Variants in MOV10L1 observed in about 807,000 individuals in gnomAD.
MOV10L1 encodes RNA helicase Mov10l1.
A neutral mutation model predicts 143.8 loss-of-function variants in MOV10L1; 110 were observed. The ratio of observed to expected loss-of-function variants is 0.76; its 90% CI spans 0.66 to 0.90. The LOEUF is 0.90. MOV10L1 is among the 40% of genes least tolerant of loss of function. MOV10L1 has a pLI of 0.00. For missense variants in MOV10L1, 1,406 were observed against 1,526.8 expected (o/e 0.92, Z 1.32); for synonymous variants, 593 against 581.1 (o/e 1.02, Z -0.29).
At chr22:50,107,943 C>T (rs567725425) in intron 3 of MOV10L1, among the ~76,000 whole-genome samples, 193 bp from the exon 4 acceptor site, 11 of 152,322 alleles carry the variant, frequency 7.2e-5, no homozygotes, top group Admixed American at 5.9e-4. Context: ...CAGCTCAGCT[C>T]ATTTTATTGC....
rs530566429 is a variant in MOV10L1 at position 50,106,671 on chromosome 22, G to A, written c.443-1465G>A. On this transcript the variant is annotated intron_variant, in intron 3 of 26. Coordinates refer to ENST00000262794, the MANE Select transcript of MOV10L1 (RefSeq NM_018995.3). Reference sequence around the variant, plus strand: ...TATAAATGTGTCTCCAGAGTTGCACGTATTAAATTGTGGTTTTAGGACATG... The same window carrying A: ...TATAAATGTGTCTCCAGAGTTGCACATATTAAATTGTGGTTTTAGGACATG... Among the ~76,000 whole-genome samples the A allele has an allele frequency of 5.5e-4, 82 of 149,522 alleles. 1 individual carries two copies. Among genetic ancestry groups the A allele is most frequent in the Middle Eastern group, 3.5e-3 (1 of 288 alleles).
intron 22 of MOV10L1, among the ~76,000 whole-genome samples, chr22:50,153,955 G>C (rs533265435): frequency 6.6e-6 from 1 of 152,160 alleles, no homozygotes; most frequent in African/African-American, 2.4e-5. Flanking sequence ...AGGGGTCCAG[G>C]TTACACCATT....
chr22:50,160,598 A>G (rs2063533357), intron 24 of MOV10L1, 90 bp from the exon 25 acceptor site: 1 of 1,475,360 alleles, frequency 6.8e-7, no homozygotes, highest in Non-Finnish European at 9.1e-7. Flanking sequence ...GCTATTTAAC[A>G]TTTTTAAATG....
intron 12 of MOV10L1, among the ~76,000 whole-genome samples, chr22:50,126,736 A>G (rs1165691603): frequency 1.3e-5 from 2 of 152,280 alleles, no homozygotes; most frequent in Non-Finnish European, 2.9e-5. Context: ...ACTGGGAGTG[A>G]TACTGGGATC....
intron 2 of MOV10L1, chr22:50,094,252 T>C (rs1305490248): frequency 6.6e-6 from 1 of 152,182 alleles, no homozygotes; most frequent in Non-Finnish European, 1.5e-5. Context: ...TCCTTTGTAT[T>C]CTTTTTATAG....
At chr22:50,128,273 G>T in intron 12 of MOV10L1, 143 bp from the exon 13 acceptor site, 1 of 591,122 alleles carries the variant, frequency 1.7e-6, no homozygotes, top group Non-Finnish European at 3.1e-6. Context: ...ATCGAATGGC[G>T]TAATGATTTA....
At chr22:50,150,274 C>T (rs1188235146) in intron 20 of MOV10L1, among the ~76,000 whole-genome samples, 1 of 152,128 alleles carries the variant, frequency 6.6e-6, no homozygotes, top group Non-Finnish European at 1.5e-5. Context: ...TCACCAGGCA[C>T]TGTGGGGCGG....
At chr22:50,103,131 GAC>G (rs1157297776) in intron 3 of MOV10L1, among the ~76,000 whole-genome samples, 5 of 152,188 alleles carry the variant, frequency 3.3e-5, no homozygotes, top group African/African-American at 1.2e-4. Flanking sequence ...GGTGAGGTCT[GAC>G]ACACGAGGGC....
intron 3 of MOV10L1, among the ~76,000 whole-genome samples, chr22:50,106,405 A>G (rs1411763139): frequency 7.2e-6 from 1 of 139,276 alleles, no homozygotes; most frequent in African/African-American, 2.7e-5. Flanking sequence ...GGCTCAAGTG[A>G]TCTTCCCACC....
At chr22:50,102,116 A>G (rs1329616981) in intron 3 of MOV10L1, among the ~76,000 whole-genome samples, 1 of 152,204 alleles carries the variant, frequency 6.6e-6, no homozygotes, top group African/African-American at 2.4e-5. Flanking sequence ...TTCCCAGTAT[A>G]AAAAACCTCA....
At chr22:50,112,698 T>C (rs555704933) in intron 5 of MOV10L1, among the ~76,000 whole-genome samples, 2 of 152,316 alleles carry the variant, frequency 1.3e-5, no homozygotes, top group East Asian at 3.9e-4. Flanking sequence ...CTCTGCACTC[T>C]AGAAACAGAT....
intron 15 of MOV10L1, among the ~76,000 whole-genome samples, chr22:50,139,561 A>C (rs1202364450): frequency 6.6e-6 from 1 of 151,454 alleles, no homozygotes; most frequent in African/African-American, 2.4e-5. Flanking sequence ...AAAACAAAGA[A>C]AAAAAAAAGA....
rs151215930 is a variant in MOV10L1 at position 50,117,275 on chromosome 22, T to A, written c.1378T>A (p.Phe460Ile). ...GTCACTAATTGCTGCGCGCGAACCA[T>A]TTTCTTGGAAAAAGCTTAAAAGTTC... ...EESLIAAREP[F>I]SWKKLKSSQA... The change falls in exon 9 of 27, where the codon TTT becomes ATT. Residue 460 changes from phenylalanine (F) to isoleucine (I), a missense_variant. By Grantham distance (21) the Phe-to-Ile change is conservative. Coordinates refer to ENST00000262794, the MANE Select transcript of MOV10L1 (RefSeq NM_018995.3). 2 of 1,614,076 alleles carry A rather than the reference T, an allele frequency of 1.2e-6. No homozygotes were observed. The highest frequency in any genetic ancestry group is 1.7e-6 in the Non-Finnish European group (2 of 1,180,036).
intron 15 of MOV10L1, among the ~76,000 whole-genome samples, chr22:50,137,011 T>C (rs1200799920): frequency 6.6e-6 from 1 of 152,192 alleles, no homozygotes; most frequent in African/African-American, 2.4e-5. Context: ...CAAAGTATGA[T>C]AGCCTCAAAA....
intron 3 of MOV10L1, among the ~76,000 whole-genome samples, chr22:50,106,847 G>C (rs970932806): frequency 6.6e-6 from 1 of 151,278 alleles, no homozygotes; most frequent in East Asian, 2.0e-4. Flanking sequence ...GACCACAGGC[G>C]CCTGCCACCA....
At chr22:50,135,575 A>AC (rs2094358035) in intron 15 of MOV10L1, among the ~76,000 whole-genome samples, 1 of 151,394 alleles carries the variant, frequency 6.6e-6, no homozygotes, top group South Asian at 2.1e-4. Context: ...AGATGGTGAA[A>AC]CCCCATCTCT....
intron 22 of MOV10L1, among the ~76,000 whole-genome samples, chr22:50,156,641 G>T (rs1329508621): frequency 1.3e-5 from 2 of 152,136 alleles, no homozygotes; most frequent in Admixed American, 6.5e-5. Flanking sequence ...TTCTGTGACC[G>T]GCTTATTGCA....
chr22:50,160,934 T>A, intron 25 of MOV10L1, 30 bp from the exon 26 acceptor site: 1 of 1,613,872 alleles, frequency 6.2e-7, no homozygotes, highest in East Asian at 2.2e-5. Context: ...TCACTTGCTC[T>A]CACACCAGGC....
At chr22:50,126,013 C>T (rs9617034) in intron 11 of MOV10L1, among the ~76,000 whole-genome samples, 189 bp from the exon 12 acceptor site, 33,833 of 151,002 alleles carry the variant, frequency 0.22, 4,181 homozygotes, top group Admixed American at 0.35. Context: ...AGGATGGTCT[C>T]GATCCCCTGA....
Sources: gnomAD v4.1 joint callset for allele counts (sites outside exome capture counted in the v4.1 genomes callset) on GRCh38, gnomAD v4.1.1 for gene constraint, MANE v1.5 for transcripts, NCBI Gene and HGNC (gene_info 2026-07-23, HGNC 2026-07-21) for gene names.